PLXDC2: variants seen among roughly 807,000 people sequenced by gnomAD.
The protein encoded by PLXDC2 is plexin domain containing 2, also known as plexin domain-containing protein 2.
A neutral mutation model predicts 68.9 loss-of-function variants in PLXDC2; 40 were observed. That is an observed-to-expected ratio of 0.58 (90% CI 0.45 to 0.76). The LOEUF is 0.76. PLXDC2 is among the 30% of genes least tolerant of loss of function. PLXDC2 has a pLI of 0.00. For missense variants in PLXDC2, 644 were observed against 661.9 expected, an observed-to-expected ratio of 0.97 and a Z score of 0.30; for synonymous variants, 243 against 234.2, an observed-to-expected ratio of 1.04 and a Z score of -0.34.
chr10:19,898,079 A>G (rs939748481), intron 1 of PLXDC2, among the ~76,000 whole-genome samples: 1 of 152,206 alleles, frequency 6.6e-6, no homozygotes, highest in Non-Finnish European at 1.5e-5. Flanking sequence ...AAAGAAAAAT[A>G]AATAATATTA....
intron 1 of PLXDC2, among the ~76,000 whole-genome samples, chr10:19,828,133 A>G (rs1042100213): frequency 6.6e-6 from 1 of 152,206 alleles, no homozygotes; most frequent in Non-Finnish European, 1.5e-5. Context: ...TATTTTCGCA[A>G]TGTGCCTCTT....
At chr10:19,914,712 C>A (rs1833335482) in intron 1 of PLXDC2, among the ~76,000 whole-genome samples, 1 of 152,170 alleles carries the variant, frequency 6.6e-6, no homozygotes, top group East Asian at 1.9e-4. Context: ...GATGGGAAGA[C>A]AGAATCTGAG....
At chr10:19,890,769 ATTAT>A (rs1837944821) in intron 1 of PLXDC2, among the ~76,000 whole-genome samples, 1 of 143,618 alleles carries the variant, frequency 7.0e-6, no homozygotes, top group South Asian at 2.2e-4. Flanking sequence ...TAATTATTTA[ATTAT>A]TTAATACCAT....
chr10:20,125,869 C>T (rs549388824), intron 4 of PLXDC2, among the ~76,000 whole-genome samples: 57 of 151,394 alleles, frequency 3.8e-4, no homozygotes, highest in African/African-American at 7.5e-4. Context: ...ACTTGTAAGA[C>T]GGAAAGGAGA....
intron 3 of PLXDC2, among the ~76,000 whole-genome samples, chr10:20,063,278 C>A (rs1262757238): frequency 6.6e-6 from 1 of 152,068 alleles, no homozygotes; most frequent in Non-Finnish European, 1.5e-5. Flanking sequence ...TTCCTACAAG[C>A]CACTTTCAGC....
At chr10:20,242,913 TGTTG>T (rs1835536301) in intron 12 of PLXDC2, among the ~76,000 whole-genome samples, 1 of 152,208 alleles carries the variant, frequency 6.6e-6, no homozygotes, top group African/African-American at 2.4e-5. Context: ...GTTTCTGCCA[TGTTG>T]GCCGGGCTGG....
intron 4 of PLXDC2, among the ~76,000 whole-genome samples, chr10:20,095,177 A>G (rs1382454051): frequency 6.6e-6 from 1 of 152,192 alleles, no homozygotes; most frequent in African/African-American, 2.4e-5. Flanking sequence ...TTAATGGTAT[A>G]AGTTTTTTGT....
chr10:20,035,861 C>G (rs533997701), intron 2 of PLXDC2, among the ~76,000 whole-genome samples: 1 of 152,194 alleles, frequency 6.6e-6, no homozygotes, highest in Non-Finnish European at 1.5e-5. Flanking sequence ...GTGTGAAATT[C>G]TTAACTGAGT....
At chr10:20,099,362 G>T (rs552155813) in intron 4 of PLXDC2, among the ~76,000 whole-genome samples, 1 of 152,182 alleles carries the variant, frequency 6.6e-6, no homozygotes, top group East Asian at 1.9e-4. Context: ...ATTGTGTTAT[G>T]ACCATATAAA....
chr10:19,912,851 C>T (rs1833298994), intron 1 of PLXDC2, among the ~76,000 whole-genome samples: 1 of 152,130 alleles, frequency 6.6e-6, no homozygotes, highest in Admixed American at 6.6e-5. Flanking sequence ...ATCCAAAGAT[C>T]TCATTATATT....
intron 1 of PLXDC2, among the ~76,000 whole-genome samples, chr10:19,896,734 C>A (rs575922334): frequency 6.6e-6 from 1 of 152,236 alleles, no homozygotes; most frequent in East Asian, 1.9e-4. Context: ...AGTGCCATTA[C>A]AGTAAAATAA....
intron 1 of PLXDC2, among the ~76,000 whole-genome samples, chr10:19,978,718 T>C (rs866636266): frequency 6.6e-6 from 1 of 152,234 alleles, no homozygotes; most frequent in Non-Finnish European, 1.5e-5. Flanking sequence ...AATAGTGTGC[T>C]AACAATCATT....
At chr10:20,200,259 A>G (rs1445092825) in intron 9 of PLXDC2, among the ~76,000 whole-genome samples, 1 of 152,178 alleles carries the variant, frequency 6.6e-6, no homozygotes, top group African/African-American at 2.4e-5. Context: ...CCCAATCAAA[A>G]GAAATGGGGA....
intron 1 of PLXDC2, among the ~76,000 whole-genome samples, chr10:19,983,527 G>C (rs1435238901): frequency 1.3e-5 from 2 of 152,104 alleles, no homozygotes; most frequent in Admixed American, 1.3e-4. Flanking sequence ...AGGGGGTGAG[G>C]ACATTAAGTC....
intron 1 of PLXDC2, among the ~76,000 whole-genome samples, chr10:19,922,666 C>T (rs924197451): frequency 3.3e-5 from 5 of 152,116 alleles, no homozygotes; most frequent in South Asian, 4.1e-4. Flanking sequence ...AAGGGATAAA[C>T]GCTTGTCACC....
intron 1 of PLXDC2, among the ~76,000 whole-genome samples, chr10:19,976,763 G>T (rs927986439): frequency 6.6e-6 from 1 of 151,268 alleles, no homozygotes; most frequent in South Asian, 2.1e-4. Context: ...TTTTGTGTGT[G>T]TGTGGGTGGT....
intron 1 of PLXDC2, among the ~76,000 whole-genome samples, chr10:19,904,781 T>A (rs1433722404): frequency 6.6e-6 from 1 of 152,188 alleles, no homozygotes; most frequent in African/African-American, 2.4e-5. Flanking sequence ...TCCTCCATCT[T>A]CCTGTGTTAG....
At chr10:20,264,123 AT>A (rs57050879) in intron 13 of PLXDC2, among the ~76,000 whole-genome samples, 128,747 of 152,116 alleles carry the variant, frequency 0.85, 54,981 homozygotes, top group Middle Eastern at 0.94. Flanking sequence ...ACCATGGAAT[AT>A]TATGCAGCCA....
chr10:19,827,224 G>T (rs1016297798), intron 1 of PLXDC2, among the ~76,000 whole-genome samples: 1 of 152,120 alleles, frequency 6.6e-6, no homozygotes, highest in Non-Finnish European at 1.5e-5. Flanking sequence ...AGGGGGTGGG[G>T]GAACCCATAA....
Sources: allele counts gnomAD v4.1 joint callset (sites outside exome capture counted in the v4.1 genomes callset), GRCh38; gene constraint gnomAD v4.1.1; transcripts MANE v1.5; gene names NCBI Gene and HGNC (gene_info 2026-07-23, HGNC 2026-07-21).